The following CNTNAP5 variants were observed in gnomAD, a reference collection of about 807,000 sequenced individuals.
CNTNAP5 encodes contactin associated protein family member 5, also known as contactin-associated protein-like 5.
In CNTNAP5, 72 loss-of-function variants were observed where a neutral mutation model predicts 150.2. That is an observed-to-expected ratio of 0.48 (90% CI 0.40 to 0.58). CNTNAP5 has a LOEUF of 0.58. Among genes scored for constraint, CNTNAP5 ranks in the 20% least tolerant of loss-of-function variants. The pLI, the probability that CNTNAP5 is intolerant of heterozygous loss-of-function variation, is 0.00. For synonymous variants in CNTNAP5, 672 were observed against 619.8 expected (o/e 1.08, Z -1.25); for missense variants, 1,636 against 1,626.2 (o/e 1.01, Z -0.10).
At chr2:124,905,774 G>C (rs574422720) in intron 22 of CNTNAP5, among the ~76,000 whole-genome samples, 7 of 152,184 alleles carry the variant, frequency 4.6e-5, no homozygotes, top group Non-Finnish European at 7.3e-5. Flanking sequence ...GGGAAGGAAT[G>C]GGGTGAACCA....
intron 1 of CNTNAP5, among the ~76,000 whole-genome samples, chr2:124,034,168 C>A (rs1230127519): frequency 6.6e-6 from 1 of 152,192 alleles, no homozygotes; most frequent in South Asian, 2.1e-4. Context: ...TGATTTAATT[C>A]TCATTCTGTG....
At chr2:124,139,860 C>T (rs968524813) in intron 1 of CNTNAP5, among the ~76,000 whole-genome samples, 1 of 152,178 alleles carries the variant, frequency 6.6e-6, no homozygotes, top group Admixed American at 6.5e-5. Context: ...GTGATTTCTG[C>T]ATTTCCATCT....
intron 17 of CNTNAP5, among the ~76,000 whole-genome samples, chr2:124,779,135 T>C (rs1157284608): frequency 6.6e-6 from 1 of 152,174 alleles, no homozygotes. Context: ...TGGACAGTCT[T>C]CATCTGTCTG....
chr2:124,312,626 A>G (rs1028750643), intron 3 of CNTNAP5, among the ~76,000 whole-genome samples: 1 of 152,208 alleles, frequency 6.6e-6, no homozygotes, highest in Non-Finnish European at 1.5e-5. Context: ...GCCGGACTGC[A>G]GTGGCACTAC....
chr2:124,726,855 T>C (rs983772622), intron 13 of CNTNAP5, among the ~76,000 whole-genome samples: 2 of 152,006 alleles, frequency 1.3e-5, no homozygotes, highest in African/African-American at 2.4e-5. Context: ...GTCCCTCTGG[T>C]TTATTTTTAC....
At chr2:124,714,950 T>C (rs1679913455) in intron 13 of CNTNAP5, among the ~76,000 whole-genome samples, 1 of 152,166 alleles carries the variant, frequency 6.6e-6, no homozygotes, top group Admixed American at 6.5e-5. Context: ...CCAGCAATTT[T>C]GTTAATTACC....
chr2:124,753,980 G>C (rs1361420803), intron 14 of CNTNAP5, among the ~76,000 whole-genome samples: 2 of 152,114 alleles, frequency 1.3e-5, no homozygotes, highest in Non-Finnish European at 2.9e-5. Context: ...CCAGGACATT[G>C]CCCTCCCCAA....
At chr2:124,758,372 C>T (rs1164471659) in intron 14 of CNTNAP5, among the ~76,000 whole-genome samples, 1 of 151,770 alleles carries the variant, frequency 6.6e-6, no homozygotes, top group Non-Finnish European at 1.5e-5. Flanking sequence ...GTTTAAGGTG[C>T]CTGATGACAT....
intron 1 of CNTNAP5, among the ~76,000 whole-genome samples, chr2:124,047,259 T>C (rs1252661467): frequency 2.0e-5 from 3 of 152,212 alleles, no homozygotes; most frequent in Non-Finnish European, 4.4e-5. Context: ...GGTAGTCACA[T>C]AGCTGGAAAG....
At chr2:124,257,589 TACA>T (rs1228368795) in intron 3 of CNTNAP5, among the ~76,000 whole-genome samples, 1 of 152,198 alleles carries the variant, frequency 6.6e-6, no homozygotes, top group African/African-American at 2.4e-5. Flanking sequence ...ATCCCAGGTC[TACA>T]ACAACACTTC....
At chr2:124,146,683 A>G (rs541393984) in intron 1 of CNTNAP5, among the ~76,000 whole-genome samples, 53 of 152,324 alleles carry the variant, frequency 3.5e-4, no homozygotes, top group African/African-American at 1.2e-3. Flanking sequence ...TAAAGAGTAG[A>G]TAAGAAATTA....
chr2:124,029,474 C>T (rs1013815321), intron 1 of CNTNAP5, among the ~76,000 whole-genome samples: 3 of 151,892 alleles, frequency 2.0e-5, no homozygotes, highest in African/African-American at 7.2e-5. Flanking sequence ...TCCCATAGTC[C>T]CCCATCTCAA....
chr2:124,779,220 A>G (rs1031417178), intron 17 of CNTNAP5, among the ~76,000 whole-genome samples: 1 of 152,222 alleles, frequency 6.6e-6, no homozygotes, highest in African/African-American at 2.4e-5. Flanking sequence ...ATTCACATCC[A>G]GTGACTGAGC....
At chr2:124,418,300 A>C in intron 4 of CNTNAP5, among the ~76,000 whole-genome samples, 1 of 152,122 alleles carries the variant, frequency 6.6e-6, no homozygotes, top group Non-Finnish European at 1.5e-5. Context: ...ATGACCCCTA[A>C]TGCATAAACA....
At chr2:124,515,200 G>A (rs537971827) in intron 8 of CNTNAP5, among the ~76,000 whole-genome samples, 1 of 152,292 alleles carries the variant, frequency 6.6e-6, no homozygotes, top group Non-Finnish European at 1.5e-5. Context: ...CTGACACTTG[G>A]CAGTGGAGAT....
intron 14 of CNTNAP5, among the ~76,000 whole-genome samples, chr2:124,757,678 T>G (rs755693959): frequency 1.1e-4 from 16 of 152,172 alleles, no homozygotes; most frequent in Non-Finnish European, 1.9e-4. Flanking sequence ...CTAGCGTTAT[T>G]CTCAGGATTA....
At chr2:124,832,984 A>AC (rs1189850866) in intron 19 of CNTNAP5, among the ~76,000 whole-genome samples, 1 of 148,562 alleles carries the variant, frequency 6.7e-6, no homozygotes, top group African/African-American at 2.5e-5. Flanking sequence ...ATCTCAGTTC[A>AC]CTGCAACATC....
At chr2:124,452,958 A>G (rs1035461266) in intron 6 of CNTNAP5, among the ~76,000 whole-genome samples, 2 of 152,134 alleles carry the variant, frequency 1.3e-5, no homozygotes, top group South Asian at 4.1e-4. Flanking sequence ...TTATATGACA[A>G]AACAATGTTC....
chr2:124,431,573 CATTATATATAATTTCT>C lies in CNTNAP5; in HGVS notation c.530-2910_530-2895del, dbSNP rs1558899248. On this transcript the variant is annotated intron_variant, in intron 4 of 23. Coordinates refer to ENST00000682447, the MANE Select transcript of CNTNAP5 (RefSeq NM_001367498.1). ...ATTATATATAATTTCTTTATATAAA[CATTATATATAATTTCT>C]TTATATAAACATTATATATAATTTC... 4.3e-3 allele frequency among the ~76,000 whole-genome samples: 572 copies of C among 131,980 alleles called. 6 individuals carry two copies. Among genetic ancestry groups the C allele is most frequent in the African/African-American group, 0.015 (534 of 34,568 alleles). 86.6% of individuals were successfully genotyped at this position (131,980 alleles called of 152,430 possible).
Sources: gnomAD v4.1 joint callset for allele counts (sites outside exome capture counted in the v4.1 genomes callset) on GRCh38, gnomAD v4.1.1 for gene constraint, MANE v1.5 for transcripts, NCBI Gene and HGNC (gene_info 2026-07-23, HGNC 2026-07-21) for gene names.